GRM7: variants seen among roughly 807,000 people sequenced by gnomAD.
GRM7 encodes metabotropic glutamate receptor 7.
In GRM7, 35 loss-of-function variants were observed where a neutral mutation model predicts 84.5. That is an observed-to-expected ratio of 0.41 (90% CI 0.32 to 0.55). The LOEUF (loss-of-function observed/expected upper bound fraction) is 0.55, where lower values mean the gene tolerates loss of function less well. Ranked by LOEUF, GRM7 falls within the 20% of genes least tolerant of loss-of-function variation. The pLI is 0.19. For synonymous variants in GRM7, 487 were observed against 455.1 expected (o/e 1.07, Z -0.89); for missense variants, 1,003 against 1,194.6 (o/e 0.84, Z 2.36).
At chr3:7,476,277 G>A (rs976354997) in intron 7 of GRM7, among the ~76,000 whole-genome samples, 21 of 152,294 alleles carry the variant, frequency 1.4e-4, no homozygotes, top group South Asian at 6.2e-4. Context: ...GCTGGGCGCC[G>A]TGGCTCACGC....
intron 4 of GRM7, among the ~76,000 whole-genome samples, chr3:7,356,920 TCACACACACACACACA>T (rs34481316): frequency 1.6e-4 from 21 of 131,282 alleles, no homozygotes; most frequent in East Asian, 4.6e-4. Context: ...GCCTTTTTGA[TCACACACACACACACA>T]CACACACACA....
chr3:7,422,853 G>C (rs1696453612), intron 5 of GRM7, among the ~76,000 whole-genome samples: 1 of 152,050 alleles, frequency 6.6e-6, no homozygotes. Context: ...ATAAATGGTG[G>C]AGAGGAAATA....
chr3:7,541,808 C>G (rs1692897750), intron 7 of GRM7, among the ~76,000 whole-genome samples: 1 of 152,188 alleles, frequency 6.6e-6, no homozygotes, highest in South Asian at 2.1e-4. Context: ...TGTTGTCACA[C>G]AGTACCACAA....
chr3:7,657,654 G>C lies in GRM7; in HGVS notation c.2452-22395G>C, dbSNP rs575227923. On this transcript the variant is annotated intron_variant, in intron 8 of 9. Transcript: ENST00000357716. ...ACTTTGCTAGTCATGAATGTGGAAGGGTTGAGCTCTCAGAACGAATCACAC... is the reference window on the plus strand; with the variant it reads ...ACTTTGCTAGTCATGAATGTGGAAGCGTTGAGCTCTCAGAACGAATCACAC... Among the ~76,000 whole-genome samples the C allele has an allele frequency of 8.3e-4, 126 of 152,260 alleles. 2 individuals carry two copies. The South Asian group carries it at 0.024, about 29-fold the overall frequency.
intron 4 of GRM7, among the ~76,000 whole-genome samples, chr3:7,401,807 T>C (rs1383988832): frequency 5.3e-5 from 8 of 152,170 alleles, no homozygotes; most frequent in Non-Finnish European, 8.8e-5. Flanking sequence ...GGCCATCTCC[T>C]TGAGAACAGG....
At chr3:7,284,400 C>T (rs1041858101) in intron 2 of GRM7, among the ~76,000 whole-genome samples, 1 of 151,874 alleles carries the variant, frequency 6.6e-6, no homozygotes, top group Non-Finnish European at 1.5e-5. Context: ...AAAATGTCAA[C>T]AGAATATCAC....
At chr3:6,893,379 G>A (rs114246623) in intron 1 of GRM7, among the ~76,000 whole-genome samples, 6,148 of 152,210 alleles carry the variant, frequency 0.04, 176 homozygotes, top group Non-Finnish European at 0.06. Flanking sequence ...CATATATTGC[G>A]TTACTCTCAT....
intron 2 of GRM7, among the ~76,000 whole-genome samples, chr3:7,290,208 A>G (rs1331147039): frequency 6.6e-6 from 1 of 152,192 alleles, no homozygotes; most frequent in Non-Finnish European, 1.5e-5. Context: ...GTAAAGGAGT[A>G]TGACATCAGA....
Position 7,322,929 on chromosome 3 carries a change from CTGAT to C in GRM7, c.1033+16281_1033+16284del, listed in dbSNP as rs577776948. 9.7e-4 allele frequency among the ~76,000 whole-genome samples: 148 copies of C among 152,216 alleles called. 2 individuals are homozygous for C. Among genetic ancestry groups the C allele is most frequent in the African/African-American group, 3.4e-3 (141 of 41,548 alleles). On this transcript the variant is annotated intron_variant, in intron 4 of 9. Transcript: ENST00000357716. ...ACCTTTTGTAATGGCATCAGTGTCT[CTGAT>C]TGACTTCCTTAGAAGCAGAGTCGAA...
Position 7,302,914 on chromosome 3 carries a change from T to C in GRM7, c.879-3584T>C, listed in dbSNP as rs116774959. Among the ~76,000 whole-genome samples, 1,349 of 146,312 alleles carry C rather than the reference T, an allele frequency of 9.2e-3. 25 individuals are homozygous for C. The highest frequency in any genetic ancestry group is 0.031 in the African/African-American group (1,241 of 40,454). On this transcript the variant is annotated intron_variant, in intron 3 of 9. Transcript: ENST00000357716. ...AGTGGTATCTCTAGGCCAGAAGTAT[T>C]AACATTTGATTGTTCTATTTTTTTT...
chr3:7,558,901 A>G (rs1432991413), intron 7 of GRM7, among the ~76,000 whole-genome samples: 1 of 152,200 alleles, frequency 6.6e-6, no homozygotes, highest in Non-Finnish European at 1.5e-5. Context: ...GTGTTCAAAT[A>G]TGGCCATTGA....
chr3:7,190,501 G>C (rs1025497928), intron 2 of GRM7, among the ~76,000 whole-genome samples: 1 of 152,024 alleles, frequency 6.6e-6, no homozygotes, highest in Non-Finnish European at 1.5e-5. Context: ...CTGTTTGCCT[G>C]AATTTGGAGG....
At chr3:6,914,351 T>C (rs1308627022) in intron 1 of GRM7, among the ~76,000 whole-genome samples, 7 of 152,224 alleles carry the variant, frequency 4.6e-5, no homozygotes, top group Admixed American at 4.6e-4. Context: ...TAAAATGATA[T>C]TAAAATATTC....
chr3:7,298,907 A>G (rs1223636562), intron 3 of GRM7, 82 bp downstream of exon 3: 4 of 1,231,480 alleles, frequency 3.2e-6, no homozygotes, highest in Non-Finnish European at 4.7e-6. Context: ...CTGAGACAGG[A>G]AAAGATAGCA....
intron 8 of GRM7, among the ~76,000 whole-genome samples, chr3:7,669,894 C>T (rs544099261): frequency 2.0e-5 from 3 of 147,108 alleles, no homozygotes; most frequent in African/African-American, 8.2e-5. Context: ...GACTGAATGA[C>T]TACTTGTTTA....
chr3:7,461,704 A>T lies in GRM7; in HGVS notation c.1497A>T (p.Thr499=). Residue 499 remains threonine (T), a synonymous_variant, in exon 7 of 10, where the codon ACA becomes ACT. Coordinates refer to ENST00000357716, the MANE Select transcript of GRM7 (RefSeq NM_000844.4). The part of the protein sequence containing the change: ...NPGYRLIGQW[T]DELQLNIEDM... ...GTTACCGTCTGATCGGGCAGTGGAC[A>T]GACGAACTTCAGCTCAATGTGAGTT... is the stretch of plus-strand genomic sequence containing the variant. 1 of 1,613,998 alleles carries T rather than the reference A, an allele frequency of 6.2e-7. No individual in the cohort carries two copies. The highest frequency in any genetic ancestry group is 8.5e-7 in the Non-Finnish European group (1 of 1,179,880).
chr3:7,434,878 T>C (rs777768436), intron 5 of GRM7, among the ~76,000 whole-genome samples: 13 of 152,168 alleles, frequency 8.5e-5, no homozygotes, highest in Non-Finnish European at 1.8e-4. Flanking sequence ...TAATGTTATA[T>C]ATTCTTAAAA....
At chr3:7,330,159 C>A (rs1559240553) in intron 4 of GRM7, among the ~76,000 whole-genome samples, 1 of 152,160 alleles carries the variant, frequency 6.6e-6, no homozygotes, top group Non-Finnish European at 1.5e-5. Flanking sequence ...TAAAAGCACA[C>A]TTCAGTCAGT....
chr3:7,049,106 G>A (rs17046715), intron 1 of GRM7, among the ~76,000 whole-genome samples: 5,669 of 151,988 alleles, frequency 0.037, 108 homozygotes, highest in South Asian at 0.061. Flanking sequence ...CTCCTCTCAC[G>A]TTAGTTCATT....
Sources: gnomAD v4.1 joint callset for allele counts (sites outside exome capture counted in the v4.1 genomes callset) on GRCh38, gnomAD v4.1.1 for gene constraint, MANE v1.5 for transcripts, NCBI Gene and HGNC (gene_info 2026-07-23, HGNC 2026-07-21) for gene names.